Variants in FGF14 observed in about 807,000 individuals in gnomAD.
FGF14 encodes fibroblast growth factor homologous factor 4.
FGF14 carries 5 observed loss-of-function variants against 25.5 expected under a neutral mutation model. The observed-to-expected ratio is 0.20, with a 90% CI of 0.10 to 0.41. The LOEUF is 0.41. Ranked by LOEUF, FGF14 falls within the 10% of genes least tolerant of loss-of-function variation. FGF14 has a pLI of 1.00. For missense variants in FGF14, 222 were observed against 320.1 expected, an observed-to-expected ratio of 0.69 and a Z score of 2.34; for synonymous variants, 138 against 118.3, an observed-to-expected ratio of 1.17 and a Z score of -1.08.
chr13:102,142,248 C>T (rs2046673102), intron 1 of FGF14, among the ~76,000 whole-genome samples: 1 of 152,148 alleles, frequency 6.6e-6, no homozygotes, highest in African/African-American at 2.4e-5. Flanking sequence ...CCAAATCTTG[C>T]AAATATTAGA....
At chr13:102,227,349 A>G (rs1032373146) in intron 1 of FGF14, among the ~76,000 whole-genome samples, 1 of 152,078 alleles carries the variant, frequency 6.6e-6, no homozygotes, top group Non-Finnish European at 1.5e-5. Context: ...TAAATGTCTC[A>G]TCTTTCCTAA....
intron 1 of FGF14, among the ~76,000 whole-genome samples, chr13:101,997,860 T>C (rs2039273498): frequency 6.6e-6 from 1 of 152,184 alleles, no homozygotes; most frequent in African/African-American, 2.4e-5. Flanking sequence ...TTCTTATCTT[T>C]AGTTTTTAAA....
At chr13:102,078,571 C>T (rs115900511) in intron 1 of FGF14, among the ~76,000 whole-genome samples, 1,648 of 152,222 alleles carry the variant, frequency 0.011, 25 homozygotes, top group African/African-American at 0.037. Flanking sequence ...AGACATCTAG[C>T]CCAATGAAGC....
intron 3 of FGF14, among the ~76,000 whole-genome samples, chr13:101,822,921 T>G (rs974770286): frequency 4.6e-5 from 7 of 152,214 alleles, no homozygotes; most frequent in African/African-American, 1.7e-4. Context: ...ACCATCATTC[T>G]ACTTTCCACC....
chr13:102,334,679 A>G (rs1260095557), intron 1 of FGF14, among the ~76,000 whole-genome samples: 3 of 152,208 alleles, frequency 2.0e-5, no homozygotes, highest in African/African-American at 4.8e-5. Context: ...TTCTAACTTC[A>G]TGTTATATGC....
intron 1 of FGF14, among the ~76,000 whole-genome samples, chr13:102,385,627 CAA>C (rs1325796451): frequency 2.0e-5 from 3 of 152,252 alleles, no homozygotes; most frequent in Admixed American, 6.5e-5. Context: ...ATTTAAAACA[CAA>C]AAAGTTATTT....
At chr13:101,754,598 A>G (rs2037518693) in intron 3 of FGF14, among the ~76,000 whole-genome samples, 1 of 152,024 alleles carries the variant, frequency 6.6e-6, no homozygotes, top group Admixed American at 6.6e-5. Flanking sequence ...GCGTAGTGGC[A>G]TGCACCTGTA....
intron 1 of FGF14, among the ~76,000 whole-genome samples, chr13:102,075,422 GA>G (rs1194413627): frequency 2.0e-5 from 3 of 152,120 alleles, no homozygotes; most frequent in African/African-American, 7.2e-5. Flanking sequence ...TAATCAAGCT[GA>G]AAAATTCCTA....
intron 1 of FGF14, among the ~76,000 whole-genome samples, chr13:102,035,666 A>G (rs576214965): frequency 6.6e-6 from 1 of 152,312 alleles, no homozygotes. Context: ...GAAGGAAGCT[A>G]TATTTCTGTA....
At chr13:101,895,557 A>G (rs891373867) in intron 1 of FGF14, among the ~76,000 whole-genome samples, 1 of 152,230 alleles carries the variant, frequency 6.6e-6, no homozygotes, top group African/African-American at 2.4e-5. Flanking sequence ...TAAGACCTTT[A>G]AAAACCAAGT....
chr13:102,401,682 A>T (rs2139298768), exon 1 of FGF14: 1 of 1,611,148 alleles, frequency 6.2e-7, no homozygotes, highest in East Asian at 2.2e-5. Flanking sequence ...TTACCATAGG[A>T]AAAACGATAA....
chr13:102,052,881 C>G (rs1041310410), intron 1 of FGF14, among the ~76,000 whole-genome samples: 5 of 152,074 alleles, frequency 3.3e-5, no homozygotes, highest in African/African-American at 1.2e-4. Flanking sequence ...ATTTGGAGTA[C>G]TCTAATACTG....
At chr13:102,306,167 T>C (rs1255834768) in intron 1 of FGF14, among the ~76,000 whole-genome samples, 4 of 152,162 alleles carry the variant, frequency 2.6e-5, no homozygotes, top group Non-Finnish European at 4.4e-5. Context: ...CATCCTGGTT[T>C]TGGCCAATAG....
At chr13:101,866,522 G>A (rs2044713951) in intron 3 of FGF14, among the ~76,000 whole-genome samples, 1 of 152,042 alleles carries the variant, frequency 6.6e-6, no homozygotes, top group Admixed American at 6.6e-5. Flanking sequence ...GCTAATACAG[G>A]TAAAGTGCTT....
intron 1 of FGF14, among the ~76,000 whole-genome samples, chr13:101,907,854 G>A (rs1255132277): frequency 6.6e-6 from 1 of 152,126 alleles, no homozygotes; most frequent in Admixed American, 6.6e-5. Flanking sequence ...CCCTGAGTAG[G>A]AGAGATGGTC....
chr13:102,218,600 C>A (rs141062290), intron 1 of FGF14, among the ~76,000 whole-genome samples: 60 of 151,186 alleles, frequency 4.0e-4, no homozygotes, highest in Non-Finnish European at 1.2e-4. Context: ...TCATTGAATC[C>A]CATCATATTT....
chr13:101,806,098 G>GTATGTAAATATTTAA lies in FGF14; in HGVS notation c.408+62612_408+62626dup. Among the ~76,000 whole-genome samples the GTATGTAAATATTTAA allele has an allele frequency of 2.0e-5, 3 of 151,808 alleles. No individual in the cohort carries two copies. In the South Asian group the frequency reaches 6.2e-4, roughly 32 times the overall value. On this transcript the variant is annotated intron_variant, in intron 3 of 4. Coordinates refer to ENST00000376143, the MANE Select transcript of FGF14 (RefSeq NM_004115.4). ...CATATAAAATTCATGTGTCACATTGGTATGTAAATATTTAATATGTAAAAG... is the reference window on the plus strand; with the variant it reads ...CATATAAAATTCATGTGTCACATTGGTATGTAAATATTTAATATGTAAATATTTAATATGTAAAAG...
intron 1 of FGF14, among the ~76,000 whole-genome samples, chr13:102,083,446 T>C (rs564686300): frequency 6.6e-6 from 1 of 152,100 alleles, no homozygotes; most frequent in African/African-American, 2.4e-5. Flanking sequence ...ATTAACCCAA[T>C]ATAACTTGGC....
At chr13:102,369,167 T>C (rs1253224571) in intron 1 of FGF14, among the ~76,000 whole-genome samples, 1 of 152,210 alleles carries the variant, frequency 6.6e-6, no homozygotes, top group Non-Finnish European at 1.5e-5. Context: ...TGATGTCCTT[T>C]GAATGTGGTT....
Sources: allele counts gnomAD v4.1 joint callset (sites outside exome capture counted in the v4.1 genomes callset), GRCh38; gene constraint gnomAD v4.1.1; transcripts MANE v1.5; gene names NCBI Gene and HGNC (gene_info 2026-07-23, HGNC 2026-07-21).